The following ZIC3 variants were observed in gnomAD, a reference collection of about 807,000 sequenced individuals.
ZIC3 encodes zinc finger protein ZIC 3.
Under a neutral mutation model 18.3 loss-of-function variants are expected in ZIC3, and 6 were observed. That is an observed-to-expected ratio of 0.33 (90% CI 0.18 to 0.65). The LOEUF (loss-of-function observed/expected upper bound fraction) is 0.65. Among genes scored for constraint, ZIC3 ranks in the 30% least tolerant of loss-of-function variants. ZIC3 has a pLI of 0.75. For missense variants in ZIC3, 260 were observed against 410.0 expected, an observed-to-expected ratio of 0.63 and a Z score of 3.16; for synonymous variants, 175 against 177.0, an observed-to-expected ratio of 0.99 and a Z score of 0.09.
chrX:137,574,575 C>T (rs913209138), downstream of ZIC3, among the ~76,000 whole-genome samples: 1 of 113,151 alleles, frequency 8.8e-6, no homozygotes, highest in Admixed American at 9.2e-5. Context: ...CACCCCCACT[C>T]CCGCGCCCTG....
downstream of ZIC3, among the ~76,000 whole-genome samples, chrX:137,576,582 A>G (rs768347863): frequency 8.9e-6 from 1 of 112,505 alleles, no homozygotes; most frequent in East Asian, 2.8e-4. Flanking sequence ...ATTCTGTCAT[A>G]ACCATTGAAA....
rs1308996218 is a variant in ZIC3 at position 137,570,098 on chromosome X, G to C, written c.*28G>C. ...ACAAACACAAACCCTGTTAATTATAGAATGGACCAAATACATTTTTAAAAG... is the reference window on the plus strand; with the variant it reads ...ACAAACACAAACCCTGTTAATTATACAATGGACCAAATACATTTTTAAAAG... On this transcript the variant is annotated 3_prime_UTR_variant, in exon 3 of 3. Coordinates refer to ENST00000287538, the MANE Select transcript of ZIC3 (RefSeq NM_003413.4). The C allele has an allele frequency of 8.3e-7, 1 of 1,199,574 alleles. No homozygotes were observed. Among genetic ancestry groups the C allele is most frequent in the East Asian group, 3.0e-5 (1 of 33,800 alleles).
rs1931364883 is a variant in ZIC3 at position 137,567,351 on chromosome X, C to T, written c.660C>T (p.Ser220=). Reference sequence around the variant, plus strand: ...CCGGCGCTCAGTTTCCTAACTACAGCCCCATGAACATGAACATGGGAGTGA... The same window carrying T: ...CCGGCGCTCAGTTTCCTAACTACAGTCCCATGAACATGAACATGGGAGTGA... ...YAAGAQFPNY[S]PMNMNMGVNV... The change falls in exon 1 of 3, where the codon AGC becomes AGT. Residue 220 remains serine, a synonymous_variant. Coordinates refer to ENST00000287538, the MANE Select transcript of ZIC3 (RefSeq NM_003413.4). The T allele has an allele frequency of 3.3e-6, 4 of 1,210,034 alleles. No individual in the cohort carries two copies. In the African/African-American group the frequency reaches 7.0e-5, roughly 21 times the overall value.
downstream of ZIC3, among the ~76,000 whole-genome samples, chrX:137,574,554 C>CCTCCCA (rs1402123440): frequency 8.8e-6 from 1 of 113,272 alleles, no homozygotes; most frequent in Non-Finnish European, 1.9e-5. Context: ...GGCCCGTAGG[C>CCTCCCA]CTCCCACACC....
Position 137,566,306 on chromosome X carries a change from T to G in ZIC3, c.-386T>G. 1.5e-5 allele frequency: 3 copies of G among 194,220 alleles called. No individual in the cohort carries two copies. Among genetic ancestry groups the G allele is most frequent in the Admixed American group, 7.0e-5 (1 of 14,367 alleles). 16.0% of individuals were successfully genotyped at this position (194,220 alleles called of 1,213,427 possible). A position where few individuals can be genotyped will look rare whatever the true frequency, so the allele number is the denominator to read the frequency against. ...CCCAGGGAGCCTCCTGGCCCCGCGG[T>G]TCTGTGCACTCGGGGAGAGGAGGGG... On this transcript the variant is annotated 5_prime_UTR_variant, in exon 1 of 3. Transcript: ENST00000287538.
chrX:137,568,933 C>T lies in ZIC3; in HGVS notation c.1092C>T (p.Gly364=). The T allele has an allele frequency of 8.3e-7, 1 of 1,211,050 alleles. No homozygotes were observed. Among genetic ancestry groups the T allele is most frequent in the Non-Finnish European group, 1.1e-6 (1 of 895,374 alleles). The change falls in exon 2 of 3, where the codon GGC becomes GGT. Residue 364 remains glycine (G), a synonymous_variant. Transcript: ENST00000287538. ...GEKPFKCEFE[G]CDRRFANSSD... ...AACCTTTCAAATGTGAATTTGAAGGCTGTGACAGACGCTTTGCCAACAGCA... is the reference window on the plus strand; with the variant it reads ...AACCTTTCAAATGTGAATTTGAAGGTTGTGACAGACGCTTTGCCAACAGCA...
rs757814584 is a variant in ZIC3, at chrX:137,567,561, G to A, written c.870G>A (p.Pro290=). 3.3e-6 allele frequency: 4 copies of A among 1,211,189 alleles called. No homozygotes were observed. The East Asian group carries it at 8.9e-5, about 27-fold the overall frequency. ...TCACCATGGAGCATGTGGGGGGCCC[G>A]GAGCAGAACAACCACGTCTGCTACT... The part of the protein sequence containing the change: ...THVTMEHVGG[P]EQNNHVCYWE... Residue 290 remains proline, a synonymous_variant, in exon 1 of 3, where the codon CCG becomes CCA. Transcript: ENST00000287538.
chrX:137,569,068 A>C lies in ZIC3; in HGVS notation c.1224+3A>C. ...GCTCCCTGCGCAAACACATGAAGGT[A>C]ATTACCTCTTTATTAGCGGTCGGCG... On this transcript the variant is annotated splice_donor_region_variant and intron_variant, in intron 2 of 2. Transcript: ENST00000287538. 8.3e-7 allele frequency: 1 copy of C among 1,210,923 alleles called. No individual in the cohort carries two copies. Among genetic ancestry groups the C allele is most frequent in the Non-Finnish European group, 1.1e-6 (1 of 895,112 alleles).
intron 1 of ZIC3, 107 bp from the exon 2 acceptor site, chrX:137,568,795 G>A: frequency 1.1e-6 from 1 of 920,818 alleles, no homozygotes. Flanking sequence ...CCCAGTCCGC[G>A]CTCCCTTTCC....
At chrX:137,576,877 A>G (rs1401419727), downstream of ZIC3, among the ~76,000 whole-genome samples, 1 of 112,191 alleles carries the variant, frequency 8.9e-6, no homozygotes, top group Non-Finnish European at 1.9e-5. Context: ...AGCTTTCACC[A>G]GATGGCAAAT....
intron 1 of ZIC3, chrX:137,568,696 CA>C: frequency 3.4e-5 from 4 of 118,916 alleles, no homozygotes; most frequent in South Asian, 2.8e-4. Flanking sequence ...GCCCCACCCC[CA>C]CCCCCACCCC....
rs1931442676 is a variant in ZIC3 at position 137,571,806 on chromosome X, AATTG to A, written c.*1741_*1744del. ...TTTTACAGTGGTTATATGGAAAAGA[AATTG>A]ATTGCTATTTTGGGGGGCTGGAGTG... On this transcript the variant is annotated 3_prime_UTR_variant, in exon 3 of 3. Transcript: ENST00000287538. Among the ~76,000 whole-genome samples, 2 of 112,135 alleles carry A rather than the reference AATTG, an allele frequency of 1.8e-5. No individual in the cohort carries two copies. The highest frequency in any genetic ancestry group is 3.8e-5 in the Non-Finnish European group (2 of 53,226).
At position 137,571,538 on chromosome X, in the gene ZIC3, T is replaced by C. The variant is rs963995043; in HGVS notation, c.*1468T>C. The C allele has an allele frequency of 6.2e-5, 7 of 112,643 alleles. No individual in the cohort carries two copies. The highest frequency in any genetic ancestry group is 1.3e-4 in the Non-Finnish European group (7 of 53,283). The allele number at this position is 112,643 out of a possible 1,213,427, so 9.3% of individuals were successfully genotyped here. A position where few individuals can be genotyped will look rare whatever the true frequency, so the allele number is the denominator to read the frequency against. On this transcript the variant is annotated 3_prime_UTR_variant, in exon 3 of 3. Transcript: ENST00000287538. The stretch of plus-strand genomic sequence containing the variant: ...TGTTTGCTGTATATAGTTCAATTCA[T>C]AATTATCGCAATTATCCATAACATT...
intron 1 of ZIC3, 156 bp from the exon 2 acceptor site, chrX:137,568,746 C>G: frequency 1.2e-5 from 5 of 432,784 alleles, no homozygotes; most frequent in Middle Eastern, 1.8e-3. Context: ...AACCTACGCT[C>G]TTCATTTCTC....
rs1931414464 is a variant in ZIC3 at position 137,569,990 on chromosome X, A to G, written c.1324A>G (p.Thr442Ala). 8.3e-7 allele frequency: 1 copy of G among 1,210,314 alleles called. No homozygotes were observed. Among genetic ancestry groups the G allele is most frequent in the Admixed American group, 2.2e-5 (1 of 45,836 alleles). ...AIASANSKDT[T>A]KTPSAVQTST... is the part of the protein sequence containing the mutation. ...AGCTTCTGCAAACAGTAAAGATACC[A>G]CTAAAACCCCTTCTGCAGTTCAAAC... is the stretch of plus-strand genomic sequence containing the variant. The change falls in exon 3 of 3, where the codon ACT (threonine) becomes GCT (alanine). Residue 442 changes from threonine to alanine, a missense_variant. By Grantham distance (58) the Thr-to-Ala change is moderately conservative. Coordinates refer to ENST00000287538, the MANE Select transcript of ZIC3 (RefSeq NM_003413.4).
chrX:137,567,943 T>C (rs1446711504), intron 1 of ZIC3, among the ~76,000 whole-genome samples, 192 bp downstream of exon 1: 1 of 113,243 alleles, frequency 8.8e-6, no homozygotes, highest in African/African-American at 3.2e-5. Context: ...TGCCGAGTTC[T>C]AACTTCCCGG....
In ZIC3 at chrX:137,567,083, C is replaced by G; in HGVS notation, c.392C>G (p.Ala131Gly). The G allele has an allele frequency of 8.4e-7, 1 of 1,194,270 alleles. No individual in the cohort carries two copies. The highest frequency in any genetic ancestry group is 1.1e-6 in the Non-Finnish European group (1 of 887,097). The stretch of plus-strand genomic sequence containing the variant: ...CGCAGCTCCGGGCTCAGTGAGGCGG[C>G]CTCGGGTGGCGGGCAGCACGGGCTC... ...RQRSSGLSEA[A>G]SGGGQHGLFA... Residue 131 changes from alanine (A) to glycine (G), a missense_variant, in exon 1 of 3, where the codon GCC becomes GGC. Physicochemically the swap from Ala to Gly is moderately conservative, Grantham distance 60. Coordinates refer to ENST00000287538, the MANE Select transcript of ZIC3 (RefSeq NM_003413.4).
rs1205118611 is a variant in ZIC3, at chrX:137,567,066, C to T, written c.375C>T (p.Ser125=). The change falls in exon 1 of 3, where the codon TCC becomes TCT. Residue 125 remains serine (S), a synonymous_variant. Transcript: ENST00000287538. Reference sequence around the variant, plus strand: ...AGTTTCTGTTCCGCCAGCGCAGCTCCGGGCTCAGTGAGGCGGCCTCGGGTG... The same window carrying T: ...AGTTTCTGTTCCGCCAGCGCAGCTCTGGGCTCAGTGAGGCGGCCTCGGGTG... ...TREFLFRQRS[S]GLSEAASGGG... 4 of 1,182,588 alleles carry T rather than the reference C, an allele frequency of 3.4e-6. No homozygotes were observed. The South Asian group carries it at 7.4e-5, about 22-fold the overall frequency.
chrX:137,577,091 A>G (rs1306802391), downstream of ZIC3: 1 of 504,514 alleles, frequency 2.0e-6, no homozygotes, highest in East Asian at 3.7e-5. Context: ...GTTTTGACCT[A>G]TCTGCAGTTC....
Sources: gnomAD v4.1 joint callset for allele counts (sites outside exome capture counted in the v4.1 genomes callset) on GRCh38, gnomAD v4.1.1 for gene constraint, MANE v1.5 for transcripts, NCBI Gene and HGNC (gene_info 2026-07-23, HGNC 2026-07-21) for gene names.